WFDC10B: variants seen among roughly 807,000 people sequenced by gnomAD.
WFDC10B encodes WAP four-disulfide core domain 10B, also known as protein WFDC10B.
WFDC10B carries 1 observed loss-of-function variant against 2.7 expected under a neutral mutation model. That is an observed-to-expected ratio of 0.38 (90% confidence interval 0.13 to 1.79). The LOEUF is 1.79. Among genes scored for constraint, WFDC10B ranks in the 40% most tolerant of loss-of-function variants. The probability of loss-of-function intolerance (pLI) is 0.33; values close to 1 mark genes in which losing one functional copy is unlikely to be tolerated. For missense variants in WFDC10B, 71 were observed against 87.8 expected, an observed-to-expected ratio of 0.81 and a Z score of 0.76; for synonymous variants, 26 against 32.2, an observed-to-expected ratio of 0.81 and a Z score of 0.65.
At chr20:45,697,406 A>G (rs1984011118) in intron 2 of WFDC10B, among the ~76,000 whole-genome samples, 1 of 76,194 alleles carries the variant, frequency 1.3e-5, no homozygotes, top group African/African-American at 5.4e-5. Flanking sequence ...TTTTTTTGAG[A>G]CAGCGTCTGG....
chr20:45,691,877 T>C lies in WFDC10B; in HGVS notation c.-64-5821A>G, dbSNP rs181468073. Among the ~76,000 whole-genome samples, 482 of 152,308 alleles carry C rather than the reference T, an allele frequency of 3.2e-3. 4 individuals carry two copies. Among genetic ancestry groups the C allele is most frequent in the African/African-American group, 0.011 (445 of 41,556 alleles). On this transcript the variant is annotated intron_variant, in intron 2 of 3. Transcript: ENST00000330523. ...GTTATGTGTGAATTTGAACCTGTCATTATGATGTTAGCTGGTTATTTTGCT... is the reference window on the plus strand; with the variant it reads ...GTTATGTGTGAATTTGAACCTGTCACTATGATGTTAGCTGGTTATTTTGCT...
chr20:45,689,040 G>A (rs2145635388), intron 2 of WFDC10B, among the ~76,000 whole-genome samples: 1 of 150,014 alleles, frequency 6.7e-6, no homozygotes, highest in East Asian at 2.0e-4. Context: ...AAGGGATCCA[G>A]TTTCAGCTTT....
intron 2 of WFDC10B, among the ~76,000 whole-genome samples, chr20:45,703,229 C>G (rs1984242819): frequency 6.6e-6 from 1 of 152,120 alleles, no homozygotes; most frequent in Non-Finnish European, 1.5e-5. Context: ...TGTTGAGCCC[C>G]AAGCTCTTCA....
intron 2 of WFDC10B, among the ~76,000 whole-genome samples, chr20:45,691,099 T>C (rs1047992436): frequency 3.4e-4 from 52 of 152,174 alleles, no homozygotes; most frequent in Non-Finnish European, 5.7e-4. Context: ...ATGTACCCAG[T>C]AGTCATTCAG....
At position 45,694,737 on chromosome 20, in the gene WFDC10B, G is replaced by A. The variant is rs988089636; in HGVS notation, c.-64-8681C>T. Among the ~76,000 whole-genome samples, 3 of 152,286 alleles carry A rather than the reference G, an allele frequency of 2.0e-5. No individual in the cohort carries two copies. The South Asian group carries it at 6.2e-4, about 32-fold the overall frequency. On this transcript the variant is annotated intron_variant, in intron 2 of 3. Coordinates refer to ENST00000330523, the MANE Select transcript of WFDC10B (RefSeq NM_172006.2). Reference sequence around the variant, plus strand: ...CCCTTTCGATTCCACCTCAGTTTCTGCTAATGAGGTTACTTGGAGTGGGGC... The same window carrying A: ...CCCTTTCGATTCCACCTCAGTTTCTACTAATGAGGTTACTTGGAGTGGGGC...
At chr20:45,693,293 G>C (rs1179797918) in intron 2 of WFDC10B, among the ~76,000 whole-genome samples, 1 of 152,230 alleles carries the variant, frequency 6.6e-6, no homozygotes, top group Non-Finnish European at 1.5e-5. Flanking sequence ...GGACCCACTT[G>C]AGGAGGCAGT....
intron 1 of WFDC10B, 77 bp from the exon 2 acceptor site, chr20:45,704,638 TG>T: frequency 6.2e-7 from 1 of 1,604,798 alleles, no homozygotes; most frequent in Non-Finnish European, 8.5e-7. Context: ...GAGCTGCTGG[TG>T]GGAGCCCAGC....
chr20:45,704,726 G>A (rs1984320183), intron 1 of WFDC10B, 165 bp from the exon 2 acceptor site: 12 of 1,403,696 alleles, frequency 8.5e-6, no homozygotes, highest in Non-Finnish European at 9.6e-6. Flanking sequence ...TTGCCAACAT[G>A]CCCCTTCTCT....
At chr20:45,690,391 G>A (rs888170787) in intron 2 of WFDC10B, among the ~76,000 whole-genome samples, 3 of 151,828 alleles carry the variant, frequency 2.0e-5, no homozygotes, top group Admixed American at 6.6e-5. Context: ...TTTTCTATTG[G>A]TTGGAATAGT....
intron 2 of WFDC10B, among the ~76,000 whole-genome samples, chr20:45,698,377 A>G (rs1436493069): frequency 1.3e-5 from 2 of 152,210 alleles, no homozygotes; most frequent in Admixed American, 6.5e-5. Context: ...GGATTGGGCA[A>G]TGGATTCTTA....
intron 2 of WFDC10B, among the ~76,000 whole-genome samples, chr20:45,699,881 G>C (rs1254048770): frequency 6.6e-6 from 1 of 152,176 alleles, no homozygotes; most frequent in Non-Finnish European, 1.5e-5. Flanking sequence ...GTTTCACCAT[G>C]TTGACCAGGC....
chr20:45,700,622 T>C, intron 2 of WFDC10B, among the ~76,000 whole-genome samples: 1 of 152,150 alleles, frequency 6.6e-6, no homozygotes, highest in Non-Finnish European at 1.5e-5. Flanking sequence ...GCAATACATA[T>C]AATCTGACAT....
At chr20:45,685,068 G>A (rs892110976) in intron 3 of WFDC10B, 108 bp from the exon 4 acceptor site, 16 of 1,368,502 alleles carry the variant, frequency 1.2e-5, no homozygotes, top group African/African-American at 1.0e-4. Context: ...CTGCCACCAC[G>A]ACTCTCCTGG....
At chr20:45,701,999 C>T (rs1221141236) in intron 2 of WFDC10B, 1 of 820,472 alleles carries the variant, frequency 1.2e-6, no homozygotes, top group East Asian at 2.7e-5. Context: ...GATTGGAGTA[C>T]ACGGTGAAAG....
intron 2 of WFDC10B, 87 bp downstream of exon 2, chr20:45,704,410 G>T (rs375537604): frequency 2.3e-5 from 37 of 1,594,554 alleles, no homozygotes; most frequent in Non-Finnish European, 3.1e-5. Context: ...CAGCCTGTTG[G>T]TGAGGCCCTT....
In WFDC10B at chr20:45,704,512, G is replaced by T. The variant is rs1401581551; in HGVS notation, c.-80C>A. On this transcript the variant is annotated 5_prime_UTR_variant, in exon 2 of 4. Coordinates refer to ENST00000330523, the MANE Select transcript of WFDC10B (RefSeq NM_172006.2). Reference sequence around the variant, plus strand: ...CTGTACTCACCTGTGTACAATGCAGGAAGATTGCGAGAAAGGATTTCAGTG... The same window carrying T: ...CTGTACTCACCTGTGTACAATGCAGTAAGATTGCGAGAAAGGATTTCAGTG... The T allele has an allele frequency of 6.2e-7, 1 of 1,614,158 alleles. No individual in the cohort carries two copies. The highest frequency in any genetic ancestry group is 8.5e-7 in the Non-Finnish European group (1 of 1,180,022).
chr20:45,690,354 T>C (rs1048111646), intron 2 of WFDC10B, among the ~76,000 whole-genome samples: 18 of 152,132 alleles, frequency 1.2e-4, no homozygotes, highest in African/African-American at 4.3e-4. Flanking sequence ...GCTGGTCTCA[T>C]AAAATGAGTT....
At chr20:45,704,351 G>A (rs1368971446) in intron 2 of WFDC10B, 146 bp downstream of exon 2, 1 of 1,500,200 alleles carries the variant, frequency 6.7e-7, no homozygotes, top group Admixed American at 2.1e-5. Flanking sequence ...GATGAGGGTG[G>A]CAGGTTTCCT....
intron 2 of WFDC10B, among the ~76,000 whole-genome samples, chr20:45,691,718 A>G (rs923719056): frequency 1.3e-4 from 20 of 151,818 alleles, no homozygotes; most frequent in African/African-American, 4.8e-4. Context: ...TTTTATTTTG[A>G]GCCTATGTGT....
Sources: allele counts gnomAD v4.1 joint callset (sites outside exome capture counted in the v4.1 genomes callset), GRCh38; gene constraint gnomAD v4.1.1; transcripts MANE v1.5; gene names NCBI Gene and HGNC (gene_info 2026-07-23, HGNC 2026-07-21).